Variants in COL6A5 observed in about 807,000 individuals in gnomAD.
The protein encoded by COL6A5 is collagen type VI alpha 5 chain.
In COL6A5, 48 loss-of-function variants were observed where a neutral mutation model predicts 65.6. The observed-to-expected ratio is 0.73, with a 90% CI of 0.58 to 0.93. The LOEUF (loss-of-function observed/expected upper bound fraction) is 0.93. Among genes scored for constraint, COL6A5 ranks in the 40% least tolerant of loss-of-function variants. The pLI, the probability that COL6A5 is intolerant of heterozygous loss-of-function variation, is 0.00. For missense variants in COL6A5, 914 were observed against 928.3 expected (o/e 0.98, Z 0.20); for synonymous variants, 291 against 322.8 (o/e 0.90, Z 1.05).
At chr3:130,385,314 C>G in exon 5 of COL6A5, 1 of 1,550,608 alleles carries the variant, frequency 6.4e-7, no homozygotes, top group South Asian at 1.2e-5. Flanking sequence ...AACTTTGATG[C>G]TTTGAAAAGC....
In COL6A5 at chr3:130,426,270, G is replaced by T. The variant is rs754314296; in HGVS notation, c.5199+21G>T. The T allele has an allele frequency of 1.2e-5, 19 of 1,551,110 alleles. No individual in the cohort carries two copies. In the South Asian group the frequency reaches 2.1e-4, roughly 17 times the overall value. On this transcript the variant is annotated intron_variant and NMD_transcript_variant, in intron 30 of 41. Transcript: ENST00000312481. Reference sequence around the variant, plus strand: ...ATTCTGTATGTATCTCCTTATTCATGAAAGAAAACTCAATAAGTTCACTGG... The same window carrying T: ...ATTCTGTATGTATCTCCTTATTCATTAAAGAAAACTCAATAAGTTCACTGG...
chr3:130,436,804 C>T (rs1484293985), intron 1 of COL6A5, among the ~76,000 whole-genome samples: 4 of 152,112 alleles, frequency 2.6e-5, no homozygotes, highest in Non-Finnish European at 4.4e-5. Flanking sequence ...CTCAGAATGT[C>T]GGTATTGCCC....
rs184451289 is a variant in COL6A5 at position 130,451,744 on chromosome 3, C to G, written c.1333-3711C>G. Reference sequence around the variant, plus strand: ...TTAGACATTGAATTCTCTACATTGTCAGGTAGGGGAGGAGTAGCCAGAGGG... The same window carrying G: ...TTAGACATTGAATTCTCTACATTGTGAGGTAGGGGAGGAGTAGCCAGAGGG... On this transcript the variant is annotated intron_variant, in intron 4 of 7. Transcript: ENST00000512836. 1.5e-4 allele frequency among the ~76,000 whole-genome samples: 23 copies of G among 152,108 alleles called. No homozygotes were observed. The East Asian group carries it at 4.5e-3, about 29-fold the overall frequency.
At chr3:130,469,586 G>A in intron 6 of COL6A5, 105 bp downstream of exon 38, 1 of 955,690 alleles carries the variant, frequency 1.0e-6, no homozygotes, top group South Asian at 1.7e-5. Context: ...GTTAAGAGTG[G>A]TAGAGTATAA....
In COL6A5 at chr3:130,426,382, C is replaced by T. The variant is rs752943906; in HGVS notation, c.5215C>T (p.Arg1739Trp). 1.5e-5 allele frequency: 24 copies of T among 1,551,028 alleles called. 1 individual carries two copies. The highest frequency in any genetic ancestry group is 3.6e-5 in the South Asian group (3 of 84,050). The change falls in exon 31 of 42, where the codon CGG becomes TGG. Residue 1739 changes from arginine to tryptophan, a missense_variant and NMD_transcript_variant. Transcript: ENST00000312481. ...ACATTTACAGCAATGTGATCTGATC[C>T]GGTTTTTGCGGGAACATAGTCGTGA...
At chr3:130,469,542 C>A in intron 6 of COL6A5, 61 bp downstream of exon 38, 1 of 1,290,430 alleles carries the variant, frequency 7.7e-7, no homozygotes, top group South Asian at 1.4e-5. Flanking sequence ...GTGTACAGTC[C>A]ATCAGCAGAC....
At chr3:130,455,428 C>T (rs1008898535) in intron 4 of COL6A5, 27 bp from the exon 37 acceptor site, 13 of 1,440,798 alleles carry the variant, frequency 9.0e-6, no homozygotes, top group Non-Finnish European at 1.3e-5. Flanking sequence ...GTTATCTAGA[C>T]TCACCTAAAG....
intron 24 of COL6A5, 27 bp from the exon 25 acceptor site, chr3:130,418,842 T>G: frequency 6.5e-7 from 1 of 1,541,478 alleles, no homozygotes; most frequent in Non-Finnish European, 8.8e-7. Context: ...TTTACTGATC[T>G]GAAGCTCTTC....
At chr3:130,373,418 G>A (rs1382184470) in intron 1 of COL6A5, among the ~76,000 whole-genome samples, 193 bp from the exon 2 acceptor site, 2 of 152,086 alleles carry the variant, frequency 1.3e-5, no homozygotes, top group African/African-American at 4.8e-5. Flanking sequence ...TTTGAGCCTT[G>A]GCCAGGGCTC....
exon 8 of COL6A5, chr3:130,484,760 C>G (rs1185699931): frequency 5.0e-6 from 2 of 398,874 alleles, no homozygotes; most frequent in Non-Finnish European, 4.4e-6. Context: ...CGGAAAAGCA[C>G]AGATACTCTA....
chr3:130,372,302 T>C (rs1167908827), intron 1 of COL6A5, among the ~76,000 whole-genome samples: 1 of 151,912 alleles, frequency 6.6e-6, no homozygotes, highest in Non-Finnish European at 1.5e-5. Context: ...ACCAAATATT[T>C]CACTCCTAGG....
intron 22 of COL6A5, among the ~76,000 whole-genome samples, chr3:130,415,389 C>T (rs911577419): frequency 6.6e-6 from 1 of 152,074 alleles, no homozygotes; most frequent in Non-Finnish European, 1.5e-5. Flanking sequence ...TCATTTCCCG[C>T]TTTGGCCTAT....
At chr3:130,346,724 G>A (rs759170387) in intron 1 of COL6A5, among the ~76,000 whole-genome samples, 7 of 152,200 alleles carry the variant, frequency 4.6e-5, no homozygotes, top group Non-Finnish European at 8.8e-5. Context: ...ATAAGTTGAT[G>A]TAGTGCTTCA....
rs183660657 is a variant in COL6A5 at position 130,400,350 on chromosome 3, G to A, written c.3992-681G>A. ...TCCATTAGACCATTAACTCTGGGAAGGAAAGAAGTAAACCTGACTTATTCA... is the reference window on the plus strand; with the variant it reads ...TCCATTAGACCATTAACTCTGGGAAAGAAAGAAGTAAACCTGACTTATTCA... On this transcript the variant is annotated intron_variant and NMD_transcript_variant, in intron 10 of 41. Coordinates refer to the COL6A5 transcript ENST00000312481. 3.8e-4 allele frequency among the ~76,000 whole-genome samples: 58 copies of A among 152,260 alleles called. 1 individual carries two copies. The highest frequency in any genetic ancestry group is 1.2e-3 in the South Asian group (6 of 4,822).
chr3:130,462,695 T>C (rs573157213), intron 5 of COL6A5, among the ~76,000 whole-genome samples: 1 of 152,250 alleles, frequency 6.6e-6, no homozygotes, highest in Admixed American at 6.5e-5. Context: ...ATAATCACTG[T>C]TCTACAATGC....
intron 6 of COL6A5, among the ~76,000 whole-genome samples, chr3:130,470,019 C>T (rs1171455156): frequency 1.3e-5 from 2 of 152,074 alleles, no homozygotes; most frequent in African/African-American, 4.8e-5. Context: ...CACTGCCCTC[C>T]ACCTACTCCA....
chr3:130,383,397 T>A (rs1371293084), intron 4 of COL6A5, among the ~76,000 whole-genome samples: 1 of 152,072 alleles, frequency 6.6e-6, no homozygotes, highest in Non-Finnish European at 1.5e-5. Flanking sequence ...AGTTACCTAC[T>A]CACCTTTTTC....
intron 10 of COL6A5, among the ~76,000 whole-genome samples, chr3:130,399,703 A>G (rs1289699087): frequency 6.6e-6 from 1 of 150,620 alleles, no homozygotes; most frequent in Admixed American, 6.6e-5. Context: ...TTCCAGGCAT[A>G]TGAAACTATT....
intron 1 of COL6A5, among the ~76,000 whole-genome samples, chr3:130,362,309 TATATATATATATATA>T (rs1935151695): frequency 3.6e-4 from 1 of 2,802 alleles, no homozygotes; most frequent in Non-Finnish European, 9.5e-4. Flanking sequence ...TATATATATA[TATATATATATATATA>T]TATTTTTTTT....
Sources: gnomAD v4.1 joint callset for allele counts (sites outside exome capture counted in the v4.1 genomes callset) on GRCh38, gnomAD v4.1.1 for gene constraint, MANE v1.5 for transcripts, NCBI Gene and HGNC (gene_info 2026-07-23, HGNC 2026-07-21) for gene names.